PTPRE: variants seen among roughly 807,000 people sequenced by gnomAD.
The protein encoded by PTPRE is protein tyrosine phosphatase receptor type E.
A neutral mutation model predicts 102.0 loss-of-function variants in PTPRE; 51 were observed. The ratio of observed to expected loss-of-function variants is 0.50; its 90% CI spans 0.40 to 0.63. PTPRE has a LOEUF of 0.63. Ranked by LOEUF, PTPRE falls within the 30% of genes least tolerant of loss-of-function variation. PTPRE has a pLI of 0.00. For missense variants in PTPRE, 752 were observed against 915.1 expected, an observed-to-expected ratio of 0.82 and a Z score of 2.30; for synonymous variants, 345 against 348.2, an observed-to-expected ratio of 0.99 and a Z score of 0.10.
intron 2 of PTPRE, among the ~76,000 whole-genome samples, chr10:128,018,624 G>A (rs1351508009): frequency 2.0e-5 from 3 of 152,212 alleles, no homozygotes; most frequent in Non-Finnish European, 2.9e-5. Flanking sequence ...AGGAGAGGCC[G>A]CCTCCCCACA....
At chr10:128,075,368 C>T (rs759753611) in intron 17 of PTPRE, among the ~76,000 whole-genome samples, 62 of 152,252 alleles carry the variant, frequency 4.1e-4, no homozygotes, top group Middle Eastern at 3.4e-3. Context: ...TAGTTTGCTG[C>T]ACCTGTCAAC....
chr10:128,068,282 T>C lies in PTPRE; in HGVS notation c.1003T>C (p.Cys335Arg). Reference sequence around the variant, plus strand: ...GCACGCTGGGCCCATCGTGGTCCACTGTAGGTACGCTGTGGGGGCCACGGG... The same window carrying C: ...GCACGCTGGGCCCATCGTGGTCCACCGTAGGTACGCTGTGGGGGCCACGGG... ...PVHAGPIVVH[C>R]SAGVGRTGTF... The change falls in exon 12 of 21, where the codon TGT becomes CGT. Residue 335 changes from cysteine to arginine, a missense_variant. By Grantham distance (180) the Cys-to-Arg change is radical. This residue lies in a region of PTPRE where 636 missense variants were observed against 824.4 expected (regional missense o/e 0.77). Transcript: ENST00000254667. 1 of 1,612,564 alleles carries C rather than the reference T, an allele frequency of 6.2e-7. No homozygotes were observed. The highest frequency in any genetic ancestry group is 8.5e-7 in the Non-Finnish European group (1 of 1,179,032).
At chr10:128,040,380 G>A (rs571927184) in intron 2 of PTPRE, among the ~76,000 whole-genome samples, 1 of 152,170 alleles carries the variant, frequency 6.6e-6, no homozygotes, top group Non-Finnish European at 1.5e-5. Context: ...TTCCCAGGCA[G>A]AGTGAAGGGG....
In PTPRE at chr10:127,945,533, C is replaced by T. The variant is rs114608335; in HGVS notation, c.-30-36741C>T. Among the ~76,000 whole-genome samples the T allele has an allele frequency of 4.2e-3, 644 of 152,282 alleles. 5 individuals carry two copies. The highest frequency in any genetic ancestry group is 0.015 in the African/African-American group (610 of 41,556). ...CTTCAAAGGAAGCTGATGTATGGAG[C>T]GTGTGTCACCTTCCTCTACAGGAAT... is the stretch of plus-strand genomic sequence containing the variant. On this transcript the variant is annotated intron_variant, in intron 1 of 20. Transcript: ENST00000254667.
chr10:127,919,297 T>C (rs1047091549), intron 1 of PTPRE, among the ~76,000 whole-genome samples: 4 of 152,240 alleles, frequency 2.6e-5, no homozygotes, highest in Non-Finnish European at 5.9e-5. Context: ...AGTCTTTCAG[T>C]TCACCAAAAA....
Position 128,001,746 on chromosome 10 carries a change from G to A in PTPRE, c.-8+19450G>A, listed in dbSNP as rs560473490. 2.6e-5 allele frequency among the ~76,000 whole-genome samples: 4 copies of A among 152,288 alleles called. No individual in the cohort carries two copies. In the East Asian group the frequency reaches 7.7e-4, roughly 29 times the overall value. ...GACATGTTCTGGGAGATAACGTATG[G>A]GAAGGTTCTTAGTATTAGGAGCTGC... On this transcript the variant is annotated intron_variant, in intron 2 of 20. Transcript: ENST00000254667.
intron 1 of PTPRE, among the ~76,000 whole-genome samples, chr10:127,909,417 A>C (rs1220510480): frequency 6.6e-6 from 1 of 152,124 alleles, no homozygotes; most frequent in East Asian, 1.9e-4. Flanking sequence ...CCATTAGCCT[A>C]GTCTAAGGTG....
chr10:127,991,024 T>C (rs1375014872), intron 2 of PTPRE, among the ~76,000 whole-genome samples: 1 of 152,206 alleles, frequency 6.6e-6, no homozygotes, highest in African/African-American at 2.4e-5. Flanking sequence ...GGCCGCGTGA[T>C]GGTTTATGTT....
At chr10:127,918,871 GC>G (rs2135168263) in intron 1 of PTPRE, among the ~76,000 whole-genome samples, 1 of 152,296 alleles carries the variant, frequency 6.6e-6, no homozygotes, top group East Asian at 1.9e-4. Flanking sequence ...CAAAGAACTG[GC>G]CTGACTGGGA....
chr10:127,977,660 T>C (rs1242292953), intron 1 of PTPRE, among the ~76,000 whole-genome samples: 2 of 152,346 alleles, frequency 1.3e-5, no homozygotes, highest in Non-Finnish European at 1.5e-5. Context: ...AATGCTGTAG[T>C]TTTATTTTCT....
intron 2 of PTPRE, among the ~76,000 whole-genome samples, chr10:127,993,951 C>G (rs57106115): frequency 0.23 from 35,249 of 152,052 alleles, 4,120 homozygotes; most frequent in Admixed American, 0.25. Context: ...AGTGGACAGT[C>G]AAGAACCCAG....
Position 127,907,966 on chromosome 10 carries a change from C to G in PTPRE, c.-31+657C>G, listed in dbSNP as rs542563683. On this transcript the variant is annotated intron_variant, in intron 1 of 20. Coordinates refer to ENST00000254667, the MANE Select transcript of PTPRE (RefSeq NM_006504.6). This position sits in a 1 kb window ranked among gnomAD's most constrained non-coding sequence, Gnocchi z 4.8. ...CTCACAGGGCTCCTGAGCACAGATG[C>G]GAGCGCGGTGCCAATTCTGAGAGCT... Among the ~76,000 whole-genome samples, 84 of 152,282 alleles carry G rather than the reference C, an allele frequency of 5.5e-4. 1 individual carries two copies. The highest frequency in any genetic ancestry group is 1.9e-3 in the African/African-American group (81 of 41,574).
intron 1 of PTPRE, among the ~76,000 whole-genome samples, chr10:127,921,008 C>T (rs1047757711): frequency 6.6e-6 from 1 of 152,238 alleles, no homozygotes; most frequent in East Asian, 1.9e-4. Context: ...AAAGCTTCCT[C>T]GGTGTCTGGG....
intron 1 of PTPRE, among the ~76,000 whole-genome samples, chr10:127,946,388 T>TTGC (rs1554896648): frequency 6.0e-5 from 9 of 148,780 alleles, no homozygotes; most frequent in Admixed American, 2.0e-4. Flanking sequence ...AGTAAGGATA[T>TTGC]ATATACAAGG....
At chr10:128,012,406 C>T (rs990878623) in intron 2 of PTPRE, among the ~76,000 whole-genome samples, 1 of 152,206 alleles carries the variant, frequency 6.6e-6, no homozygotes, top group African/African-American at 2.4e-5. Context: ...GCCCATCCTC[C>T]CCATGAGCCT....
intron 1 of PTPRE, chr10:127,934,024 GCA>G (rs201565441): frequency 0.1 from 8,594 of 81,866 alleles, 379 homozygotes; most frequent in Middle Eastern, 0.18. Context: ...CACCCCCCGC[GCA>G]CACACACACA....
intron 12 of PTPRE, chr10:128,068,727 T>G (rs1850498110): frequency 6.5e-6 from 1 of 153,066 alleles, no homozygotes; most frequent in Non-Finnish European, 1.5e-5. Flanking sequence ...GAACACGCTG[T>G]CCTGGAGACC....
At chr10:127,926,595 G>A (rs901292478) in intron 1 of PTPRE, among the ~76,000 whole-genome samples, 7 of 152,228 alleles carry the variant, frequency 4.6e-5, no homozygotes, top group Admixed American at 2.0e-4. Context: ...TGGTGTGGGC[G>A]TGAGGAGCAA....
chr10:128,022,350 G>A (rs1845961448), intron 2 of PTPRE, among the ~76,000 whole-genome samples: 1 of 152,238 alleles, frequency 6.6e-6, no homozygotes, highest in African/African-American at 2.4e-5. Flanking sequence ...GTGAAAGTGG[G>A]AGCTGTGCTT....
Sources: allele counts gnomAD v4.1 joint callset (sites outside exome capture counted in the v4.1 genomes callset), GRCh38; gene constraint gnomAD v4.1.1; regional missense constraint gnomAD v4.1.1; non-coding constraint Gnocchi (gnomAD v3.1); transcripts MANE v1.5; gene names NCBI Gene and HGNC (gene_info 2026-07-23, HGNC 2026-07-21).